CRACR2A: variants seen among roughly 807,000 people sequenced by gnomAD.
The protein encoded by CRACR2A is EF-hand calcium-binding domain-containing protein 4B.
A neutral mutation model predicts 90.5 loss-of-function variants in CRACR2A; 79 were observed. The observed-to-expected ratio is 0.87, with a 90% confidence interval of 0.73 to 1.05. The LOEUF is 1.05. Ranked by LOEUF, CRACR2A falls within the 50% of genes least tolerant of loss-of-function variation. The pLI, the probability that CRACR2A is intolerant of heterozygous loss-of-function variation, is 0.00. For synonymous variants in CRACR2A, 338 were observed against 356.7 expected (o/e 0.95, Z 0.59); for missense variants, 823 against 897.2 (o/e 0.92, Z 1.06).
intron 12 of CRACR2A, among the ~76,000 whole-genome samples, chr12:3,642,300 T>C (rs895297049): frequency 5.9e-5 from 9 of 152,308 alleles, no homozygotes; most frequent in Non-Finnish European, 1.3e-4. Context: ...CACTGCAGCC[T>C]CAAACTCCTG....
intron 7 of CRACR2A, among the ~76,000 whole-genome samples, chr12:3,660,867 CACACACACACA>C (rs1945018806): frequency 6.8e-6 from 1 of 147,098 alleles, no homozygotes; most frequent in South Asian, 2.2e-4. Context: ...CACACACACA[CACACACACACA>C]CACACACACA....
At chr12:3,733,957 G>A (rs1946400033) in intron 1 of CRACR2A, among the ~76,000 whole-genome samples, 1 of 137,644 alleles carries the variant, frequency 7.3e-6, no homozygotes, top group African/African-American at 2.6e-5. Context: ...TTCCTAGACT[G>A]GACACATTTT....
chr12:3,666,051 A>AG (rs1285271919), intron 7 of CRACR2A, among the ~76,000 whole-genome samples: 1 of 151,998 alleles, frequency 6.6e-6, no homozygotes, highest in East Asian at 1.9e-4. Flanking sequence ...GAGCCCTGCT[A>AG]GGGGGAAGTA....
At chr12:3,716,435 T>C (rs1483742287) in intron 2 of CRACR2A, among the ~76,000 whole-genome samples, 1 of 152,240 alleles carries the variant, frequency 6.6e-6, no homozygotes, top group Non-Finnish European at 1.5e-5. Flanking sequence ...TGTCAAACAC[T>C]GAGTGGAAAG....
chr12:3,669,230 G>A lies in CRACR2A; in HGVS notation c.671+4216C>T, dbSNP rs57883715. On this transcript the variant is annotated intron_variant, in intron 7 of 19. Transcript: ENST00000440314. ...GGTGGGACCTCTGGCATCCCAAAATGGTTCTGGTGAAAAGTCTGGATCTAC... is the reference window on the plus strand; with the variant it reads ...GGTGGGACCTCTGGCATCCCAAAATAGTTCTGGTGAAAAGTCTGGATCTAC... Among the ~76,000 whole-genome samples the A allele has an allele frequency of 2.0e-3, 298 of 152,220 alleles. 1 individual carries two copies. Among genetic ancestry groups the A allele is most frequent in the African/African-American group, 6.9e-3 (287 of 41,528 alleles).
chr12:3,616,567 C>G (rs1412606644), intron 19 of CRACR2A, among the ~76,000 whole-genome samples: 1 of 152,228 alleles, frequency 6.6e-6, no homozygotes, highest in Non-Finnish European at 1.5e-5. Flanking sequence ...ATAACCCATT[C>G]TTGCCTCCAG....
At chr12:3,678,076 T>C (rs73049124) in intron 6 of CRACR2A, among the ~76,000 whole-genome samples, 20,424 of 152,004 alleles carry the variant, frequency 0.13, 1,552 homozygotes, top group African/African-American at 0.18. Context: ...GAAACATACA[T>C]CTAACCCAAG....
In CRACR2A at chr12:3,659,592, T is replaced by C. The variant is rs1212467621; in HGVS notation, c.734A>G (p.Lys245Arg). Residue 245 changes from lysine (K) to arginine (R), a missense_variant, in exon 8 of 20, where the codon AAA (lysine) becomes AGA (arginine). Transcript: ENST00000440314. ...HLYEEMEQQI[K>R]SEKEQFLLKD... ...CAGGAGAAACTGCTCCTTCTCACTT[T>C]TGATTTGTTGTTCCATCTCCTCATA... 5 of 1,614,042 alleles carry C rather than the reference T, an allele frequency of 3.1e-6. No individual in the cohort carries two copies.
intron 19 of CRACR2A, among the ~76,000 whole-genome samples, chr12:3,616,012 C>T (rs547661877): frequency 3.0e-4 from 45 of 152,364 alleles, no homozygotes; most frequent in Middle Eastern, 3.4e-3. Flanking sequence ...ACTTTCCAAA[C>T]GCTTTTGCGT....
chr12:3,640,830 TGTCTCTCAATGA>T, intron 13 of CRACR2A: 1 of 1,302,060 alleles, frequency 7.7e-7, no homozygotes, highest in Non-Finnish European at 1.0e-6. Context: ...GGGACTGGTT[TGTCTCTCAATGA>T]GCAATGAGCC....
chr12:3,660,042 C>T (rs1156839216), intron 7 of CRACR2A, among the ~76,000 whole-genome samples: 5 of 152,216 alleles, frequency 3.3e-5, no homozygotes, highest in African/African-American at 4.8e-5. Context: ...CTGATCTCCA[C>T]GCTCATAGAC....
At chr12:3,740,427 A>G (rs11616055) in intron 1 of CRACR2A, among the ~76,000 whole-genome samples, 42,232 of 152,026 alleles carry the variant, frequency 0.28, 6,717 homozygotes, top group Middle Eastern at 0.44. Flanking sequence ...TCTAAGTTCT[A>G]CGTCCTGGGG....
At chr12:3,656,258 G>T (rs747527906) in intron 9 of CRACR2A, 53 bp downstream of exon 9, 93 of 1,566,884 alleles carry the variant, frequency 5.9e-5, no homozygotes, top group Non-Finnish European at 7.4e-5. Flanking sequence ...AAGAGGCAGA[G>T]AAAAGGAGAG....
At chr12:3,627,990 A>G (rs73045276) in intron 15 of CRACR2A, among the ~76,000 whole-genome samples, 10,828 of 149,218 alleles carry the variant, frequency 0.073, 467 homozygotes, top group Middle Eastern at 0.14. Flanking sequence ...CAAGCCATAC[A>G]CTCTTTCTTT....
At chr12:3,745,914 A>G (rs1445446093) in intron 1 of CRACR2A, among the ~76,000 whole-genome samples, 1 of 152,130 alleles carries the variant, frequency 6.6e-6, no homozygotes, top group Non-Finnish European at 1.5e-5. Flanking sequence ...ACCTGGCTGA[A>G]GGCAGGAGGT....
chr12:3,718,340 C>T (rs1008812005), intron 2 of CRACR2A, among the ~76,000 whole-genome samples: 1 of 152,188 alleles, frequency 6.6e-6, no homozygotes, highest in Non-Finnish European at 1.5e-5. Context: ...GAACCGAGGG[C>T]CCTGGGTGAA....
Position 3,697,014 on chromosome 12 carries a change from T to C in CRACR2A, c.-15A>G, listed in dbSNP as rs754177156. 3 of 1,595,906 alleles carry C rather than the reference T, an allele frequency of 1.9e-6. No homozygotes were observed. The highest frequency in any genetic ancestry group is 2.6e-6 in the Non-Finnish European group (3 of 1,170,094). ...GGGGCAGCCATCGCGATTAGTCAGT[T>C]TCTTGAAGTCTTTTTCAGAACCTGA... On this transcript the variant is annotated 5_prime_UTR_variant, in exon 4 of 20. Transcript: ENST00000440314.
At chr12:3,712,306 C>T (rs114720032) in intron 3 of CRACR2A, among the ~76,000 whole-genome samples, 29 of 151,938 alleles carry the variant, frequency 1.9e-4, no homozygotes, top group Non-Finnish European at 3.2e-4. Context: ...AAGAAATACT[C>T]GAGACTGGGT....
chr12:3,718,803 G>T (rs1946115700), intron 2 of CRACR2A, among the ~76,000 whole-genome samples: 1 of 152,208 alleles, frequency 6.6e-6, no homozygotes, highest in South Asian at 2.1e-4. Flanking sequence ...ATGAAGGCAG[G>T]TGTCTCTTTG....
Sources: gnomAD v4.1 joint callset for allele counts (sites outside exome capture counted in the v4.1 genomes callset) on GRCh38, gnomAD v4.1.1 for gene constraint, MANE v1.5 for transcripts, NCBI Gene and HGNC (gene_info 2026-07-23, HGNC 2026-07-21) for gene names.